Variants in CYP3A43 observed in about 807,000 individuals in gnomAD.
The protein encoded by CYP3A43 is cytochrome P450 family 3 subfamily A member 43.
CYP3A43 carries 45 observed loss-of-function variants against 58.0 expected under a neutral mutation model. The ratio of observed to expected loss-of-function variants is 0.78; its 90% CI spans 0.61 to 0.99. The LOEUF (loss-of-function observed/expected upper bound fraction) is 0.99. Among genes scored for constraint, CYP3A43 ranks in the 50% least tolerant of loss-of-function variants. CYP3A43 has a pLI of 0.00. For missense variants in CYP3A43, 593 were observed against 591.9 expected (o/e 1.00, Z -0.02); for synonymous variants, 191 against 201.4 (o/e 0.95, Z 0.44).
At chr7:99,838,664 C>T in intron 2 of CYP3A43, 1 of 1,288,020 alleles carries the variant, frequency 7.8e-7, no homozygotes, top group Non-Finnish European at 1.0e-6. Context: ...TATTTTCTCT[C>T]CTTTTCCTTA....
At chr7:99,833,800 C>T (rs570244859) in intron 1 of CYP3A43, among the ~76,000 whole-genome samples, 16 of 152,326 alleles carry the variant, frequency 1.1e-4, no homozygotes, top group Middle Eastern at 6.8e-3. Flanking sequence ...TGTGCGGTAG[C>T]GTGTCAGGCT....
chr7:99,859,084 T>C (rs980364168), intron 9 of CYP3A43, among the ~76,000 whole-genome samples: 2 of 152,150 alleles, frequency 1.3e-5, no homozygotes, highest in African/African-American at 4.8e-5. Context: ...CCAGAGGTCA[T>C]CCATTTTGAA....
At chr7:99,828,276 A>G in intron 1 of CYP3A43, 90 bp downstream of exon 1, 3 of 1,103,204 alleles carry the variant, frequency 2.7e-6, no homozygotes, top group Non-Finnish European at 3.9e-6. Context: ...TTGAAGATAA[A>G]AGAGATAACG....
At chr7:99,847,250 G>A (rs1335790584) in intron 4 of CYP3A43, among the ~76,000 whole-genome samples, 3 of 151,816 alleles carry the variant, frequency 2.0e-5, no homozygotes, top group Non-Finnish European at 4.4e-5. Flanking sequence ...AAGGAAACTG[G>A]GATATAGTGA....
intron 11 of CYP3A43, among the ~76,000 whole-genome samples, chr7:99,862,474 C>T (rs960782815): frequency 1.7e-4 from 26 of 152,160 alleles, no homozygotes; most frequent in Admixed American, 8.5e-4. Context: ...AGTCCTGTGC[C>T]GGCTCCCTTG....
intron 4 of CYP3A43, among the ~76,000 whole-genome samples, chr7:99,846,016 A>T (rs936739229): frequency 6.6e-6 from 1 of 152,118 alleles, no homozygotes; most frequent in African/African-American, 2.4e-5. Context: ...ACCACAGGTG[A>T]TCCACCTGCC....
rs1448240053 is a variant in CYP3A43 at position 99,863,598 on chromosome 7, C to T, written c.1315C>T (p.Pro439Ser). 2.5e-6 allele frequency: 4 copies of T among 1,613,984 alleles called. No homozygotes were observed. The African/African-American group carries it at 4.0e-5, about 16-fold the overall frequency. The stretch of plus-strand genomic sequence containing the variant: ...CAGATACATACCTTTTGGAGCTGGA[C>T]CCCGAAACTGCATTGGCATGAGGTT... ...LYRYIPFGAG[P>S]RNCIGMRFAL... Residue 439 changes from proline (P) to serine (S), a missense_variant, in exon 12 of 13, where the codon CCC becomes TCC. Transcript: ENST00000354829.
intron 8 of CYP3A43, among the ~76,000 whole-genome samples, chr7:99,856,088 T>A (rs142370954): frequency 2.6e-5 from 4 of 152,344 alleles, no homozygotes; most frequent in Non-Finnish European, 4.4e-5. Flanking sequence ...TATTACAATT[T>A]CCCTAGTTCT....
chr7:99,848,508 A>G (rs1817624430), intron 6 of CYP3A43, among the ~76,000 whole-genome samples: 1 of 152,236 alleles, frequency 6.6e-6, no homozygotes, highest in Non-Finnish European at 1.5e-5. Flanking sequence ...GGATATTCCA[A>G]AAGAATAATA....
At chr7:99,849,858 G>T in intron 7 of CYP3A43, 164 bp downstream of exon 7, 1 of 743,154 alleles carries the variant, frequency 1.3e-6, no homozygotes, top group Non-Finnish European at 2.1e-6. Flanking sequence ...CAACATCATT[G>T]TTAACTTCTG....
intron 1 of CYP3A43, among the ~76,000 whole-genome samples, chr7:99,835,003 G>A (rs1817012263): frequency 6.6e-6 from 1 of 152,152 alleles, no homozygotes; most frequent in Non-Finnish European, 1.5e-5. Context: ...GGTTGATGGG[G>A]GAAGCTCGGG....
Position 99,855,598 on chromosome 7 carries a change from T to A in CYP3A43, c.678T>A (p.Phe226Leu). 1.2e-6 allele frequency: 2 copies of A among 1,608,406 alleles called. No individual in the cohort carries two copies. The highest frequency in any genetic ancestry group is 2.2e-5 in the South Asian group (2 of 90,062). Residue 226 changes from phenylalanine (F) to leucine (L), a missense_variant, in exon 8 of 13, where the codon TTT becomes TTA. Physicochemically the swap from Phe to Leu is conservative, Grantham distance 22. Coordinates refer to ENST00000354829, the MANE Select transcript of CYP3A43 (RefSeq NM_057095.3). ...LDPFLLLISL[F>L]PFLTPVFEAL... The stretch of plus-strand genomic sequence containing the variant: ...TATTTAATTTTCCTATAGCACTCTT[T>A]CCATTTCTTACCCCAGTTTTTGAAG...
chr7:99,848,568 C>A (rs1817627901), intron 6 of CYP3A43, among the ~76,000 whole-genome samples: 1 of 152,130 alleles, frequency 6.6e-6, no homozygotes, highest in Non-Finnish European at 1.5e-5. Context: ...AAGTTTTGAG[C>A]ATAGACGTTA....
intron 3 of CYP3A43, among the ~76,000 whole-genome samples, chr7:99,842,695 T>G (rs1182769527): frequency 1.3e-5 from 2 of 152,242 alleles, no homozygotes; most frequent in Non-Finnish European, 2.9e-5. Flanking sequence ...AACTGAGTCA[T>G]GCAATACTGC....
At chr7:99,857,769 G>A (rs1033612368) in intron 9 of CYP3A43, among the ~76,000 whole-genome samples, 1 of 152,104 alleles carries the variant, frequency 6.6e-6, no homozygotes, top group Non-Finnish European at 1.5e-5. Flanking sequence ...CTTGAACCAG[G>A]GAGGCGGAGG....
intron 10 of CYP3A43, among the ~76,000 whole-genome samples, chr7:99,861,002 T>C (rs1021461734): frequency 6.6e-6 from 1 of 151,964 alleles, no homozygotes; most frequent in Admixed American, 6.6e-5. Context: ...GCCACCTGAG[T>C]AGCTGGGATT....
chr7:99,854,514 T>C (rs1397366792), intron 7 of CYP3A43, among the ~76,000 whole-genome samples: 2 of 152,128 alleles, frequency 1.3e-5, no homozygotes, highest in Non-Finnish European at 2.9e-5. Flanking sequence ...TGATGATATT[T>C]TCAAGGAACC....
At chr7:99,840,642 C>T (rs1037578692) in intron 3 of CYP3A43, among the ~76,000 whole-genome samples, 7 of 152,012 alleles carry the variant, frequency 4.6e-5, no homozygotes, top group Non-Finnish European at 1.0e-4. Flanking sequence ...CCCCTTTTTT[C>T]CTTCCTGCTG....
intron 8 of CYP3A43, 46 bp from the exon 9 acceptor site, chr7:99,856,786 CT>C: frequency 6.2e-7 from 1 of 1,603,666 alleles, no homozygotes; most frequent in African/African-American, 1.3e-5. Flanking sequence ...TCACTTCTGA[CT>C]TCACAAGTGA....
Sources: gnomAD v4.1 joint callset for allele counts (sites outside exome capture counted in the v4.1 genomes callset) on GRCh38, gnomAD v4.1.1 for gene constraint, MANE v1.5 for transcripts, NCBI Gene and HGNC (gene_info 2026-07-23, HGNC 2026-07-21) for gene names.